Variants in SNX29 observed in about 807,000 individuals in gnomAD.
The protein encoded by SNX29 is sorting nexin-29.
A neutral mutation model predicts 102.1 loss-of-function variants in SNX29; 78 were observed. That is an observed-to-expected ratio of 0.76 (90% confidence interval 0.64 to 0.92). The LOEUF (loss-of-function observed/expected upper bound fraction) is 0.92. SNX29 is among the 40% of genes least tolerant of loss of function. The pLI, the probability that SNX29 is intolerant of heterozygous loss-of-function variation, is 0.00. For synonymous variants in SNX29, 580 were observed against 414.5 expected (o/e 1.40, Z -4.85); for missense variants, 1,280 against 1,061.7 (o/e 1.21, Z -2.86).
intron 18 of SNX29, among the ~76,000 whole-genome samples, chr16:12,415,351 C>G (rs2084585527): frequency 6.6e-6 from 1 of 152,238 alleles, no homozygotes; most frequent in Admixed American, 6.5e-5. Context: ...GAGTCTTGAT[C>G]AAGATGCACT....
intron 3 of SNX29, among the ~76,000 whole-genome samples, chr16:12,005,985 A>G (rs2056438293): frequency 6.6e-6 from 1 of 152,176 alleles, no homozygotes; most frequent in East Asian, 1.9e-4. Context: ...TAGAATTTAA[A>G]AAGTTAATTC....
intron 11 of SNX29, among the ~76,000 whole-genome samples, chr16:12,085,270 C>G (rs2052107236): frequency 6.6e-6 from 1 of 152,160 alleles, no homozygotes; most frequent in Non-Finnish European, 1.5e-5. Flanking sequence ...AAGAACACAG[C>G]AGGTCCGAGG....
intron 19 of SNX29, among the ~76,000 whole-genome samples, chr16:12,494,539 G>A (rs762037612): frequency 6.6e-6 from 1 of 152,070 alleles, no homozygotes. Flanking sequence ...TCTCCAAAAC[G>A]GGGTCCAGCA....
rs55968518 is a variant in SNX29, at chr16:12,329,276, C to CAAAAAAAA, written c.1783-26875_1783-26868dup. 1.2e-3 allele frequency among the ~76,000 whole-genome samples: 108 copies of CAAAAAAAA among 88,634 alleles called. 1 individual carries two copies. The East Asian group carries it at 0.013, about 10-fold the overall frequency. 58.1% of individuals were successfully genotyped at this position (88,634 alleles called of 152,430 possible). A position where few individuals can be genotyped will look rare whatever the true frequency, so the allele number is the denominator to read the frequency against. Reference sequence around the variant, plus strand: ...TGAGCAACATGGTGAGACCTTGTCTCAAAAAAAAAAAAAAAAAAAGTGAAA... The same window carrying CAAAAAAAA: ...TGAGCAACATGGTGAGACCTTGTCTCAAAAAAAAAAAAAAAAAAAAAAAAAAAGTGAAA... On this transcript the variant is annotated intron_variant, in intron 15 of 20. Coordinates refer to ENST00000566228, the MANE Select transcript of SNX29 (RefSeq NM_032167.5).
chr16:12,460,199 A>C (rs755858907), intron 18 of SNX29, among the ~76,000 whole-genome samples: 5 of 152,132 alleles, frequency 3.3e-5, no homozygotes, highest in Non-Finnish European at 7.4e-5. Flanking sequence ...TTCATCACCC[A>C]ACCACGGCTC....
chr16:12,539,209 C>G (rs1037755160), intron 20 of SNX29, among the ~76,000 whole-genome samples: 13 of 152,200 alleles, frequency 8.5e-5, no homozygotes, highest in Non-Finnish European at 7.4e-5. Flanking sequence ...TAACCACCAT[C>G]ACCGTCAAGA....
At chr16:12,399,683 G>T (rs562030260) in intron 17 of SNX29, among the ~76,000 whole-genome samples, 2 of 152,158 alleles carry the variant, frequency 1.3e-5, no homozygotes, top group African/African-American at 4.8e-5. Context: ...ATTATGAAAG[G>T]CATGAGGGCA....
chr16:12,046,350 T>A, intron 5 of SNX29, 34 bp from the exon 6 acceptor site: 1 of 1,610,566 alleles, frequency 6.2e-7, no homozygotes, highest in Non-Finnish European at 8.5e-7. Context: ...GAACCACTGC[T>A]AAGAACGATT....
At chr16:12,306,216 G>A (rs946832888) in intron 15 of SNX29, among the ~76,000 whole-genome samples, 1 of 152,164 alleles carries the variant, frequency 6.6e-6, no homozygotes, top group African/African-American at 2.4e-5. Flanking sequence ...GAATGGCTTT[G>A]ATATAGAAAG....
rs1285938530 is a variant in SNX29 at position 12,223,820 on chromosome 16, GCTTA to G, written c.1678+24141_1678+24144del. Among the ~76,000 whole-genome samples, 13 of 152,218 alleles carry G rather than the reference GCTTA, an allele frequency of 8.5e-5. 1 individual carries two copies. The highest frequency in any genetic ancestry group is 6.5e-4 in the Admixed American group (10 of 15,290). ...TCATGGTGGCTGCCATGTATTGAGG[GCTTA>G]CTTTTTGCCAGGCTGTTGGCAAGCA... On this transcript the variant is annotated intron_variant, in intron 14 of 20. Coordinates refer to ENST00000566228, the MANE Select transcript of SNX29 (RefSeq NM_032167.5).
intron 15 of SNX29, among the ~76,000 whole-genome samples, chr16:12,323,736 G>A (rs2081033119): frequency 6.6e-6 from 1 of 152,122 alleles, no homozygotes. Flanking sequence ...GAAGCCAGGT[G>A]GCCTGGAGTT....
At chr16:12,239,580 C>T (rs901999550) in intron 14 of SNX29, among the ~76,000 whole-genome samples, 4 of 138,614 alleles carry the variant, frequency 2.9e-5, no homozygotes, top group South Asian at 2.3e-4. Flanking sequence ...GTAATCCCAG[C>T]GCTTTGGGAG....
intron 18 of SNX29, among the ~76,000 whole-genome samples, chr16:12,437,858 C>T (rs945691851): frequency 3.3e-5 from 5 of 152,186 alleles, no homozygotes; most frequent in African/African-American, 1.2e-4. Context: ...GGTGCCCTTC[C>T]CCCCAGCCCA....
intron 20 of SNX29, among the ~76,000 whole-genome samples, chr16:12,539,238 C>T (rs753608902): frequency 6.6e-6 from 1 of 152,314 alleles, no homozygotes; most frequent in East Asian, 1.9e-4. Context: ...AGTTCCTTCA[C>T]CCTAAAAAGC....
At chr16:12,454,676 A>G (rs117103992) in intron 18 of SNX29, among the ~76,000 whole-genome samples, 1 of 152,278 alleles carries the variant, frequency 6.6e-6, no homozygotes, top group Non-Finnish European at 1.5e-5. Context: ...GCTTGAGTGC[A>G]GTGGCGCATC....
At chr16:12,468,823 C>G (rs1234141664) in intron 18 of SNX29, among the ~76,000 whole-genome samples, 1 of 152,246 alleles carries the variant, frequency 6.6e-6, no homozygotes, top group Non-Finnish European at 1.5e-5. Flanking sequence ...TACACACCCT[C>G]AACCTAGCAT....
intron 15 of SNX29, among the ~76,000 whole-genome samples, chr16:12,288,157 T>C (rs1411234235): frequency 6.6e-6 from 1 of 152,176 alleles, no homozygotes; most frequent in East Asian, 1.9e-4. Flanking sequence ...GAGGTGGGAC[T>C]TGACTCCAGA....
chr16:12,357,753 C>G (rs1030611577), intron 16 of SNX29, among the ~76,000 whole-genome samples: 1 of 152,166 alleles, frequency 6.6e-6, no homozygotes, highest in Non-Finnish European at 1.5e-5. Context: ...TATGAATCCA[C>G]TACTGTCTTA....
At chr16:12,341,500 A>T (rs2081609070) in intron 15 of SNX29, among the ~76,000 whole-genome samples, 2 of 152,208 alleles carry the variant, frequency 1.3e-5, no homozygotes, top group African/African-American at 4.8e-5. Context: ...GTAACAAATG[A>T]TCCTCAATCT....
Sources: allele counts gnomAD v4.1 joint callset (sites outside exome capture counted in the v4.1 genomes callset), GRCh38; gene constraint gnomAD v4.1.1; transcripts MANE v1.5; gene names NCBI Gene and HGNC (gene_info 2026-07-23, HGNC 2026-07-21).